ARHGAP25: variants seen among roughly 807,000 people sequenced by gnomAD.
ARHGAP25 encodes Rho GTPase activating protein 25.
ARHGAP25 carries 34 observed loss-of-function variants against 71.0 expected under a neutral mutation model. The ratio of observed to expected loss-of-function variants is 0.48; its 90% CI spans 0.36 to 0.64. The LOEUF is 0.64. Ranked by LOEUF, ARHGAP25 falls within the 30% of genes least tolerant of loss-of-function variation. The pLI, the probability that ARHGAP25 is intolerant of heterozygous loss-of-function variation, is 0.00. For synonymous variants in ARHGAP25, 282 were observed against 296.5 expected (o/e 0.95, Z 0.50); for missense variants, 706 against 805.1 (o/e 0.88, Z 1.49).
At chr2:68,818,083 C>G in intron 8 of ARHGAP25, 89 bp downstream of exon 8, 1 of 1,530,886 alleles carries the variant, frequency 6.5e-7, no homozygotes, top group African/African-American at 1.4e-5. Context: ...CTGTAGTTTC[C>G]CAAGCATTTT....
intron 6 of ARHGAP25, 69 bp from the exon 7 acceptor site, chr2:68,816,220 G>A (rs1307731289): frequency 2.3e-6 from 3 of 1,294,964 alleles, no homozygotes; most frequent in Admixed American, 1.7e-5. Flanking sequence ...CTGTCCCAGG[G>A]TCTCCTTGCT....
chr2:68,734,938 G>A lies in ARHGAP25; in HGVS notation c.-262G>A. ...TAAAACTGAAAGCAAGAAAAGCAGG[G>A]TGCTAGCCCCTGTGGGACTGAGGGT... is the stretch of plus-strand genomic sequence containing the variant. On this transcript the variant is annotated 5_prime_UTR_variant, in exon 1 of 11. It adds an upstream start codon to the 5' untranslated region. Transcript: ENST00000409202. The A allele has an allele frequency of 1.8e-6, 1 of 558,966 alleles. No individual in the cohort carries two copies. The highest frequency in any genetic ancestry group is 3.0e-5 in the East Asian group (1 of 33,244). 34.6% of individuals were successfully genotyped at this position (558,966 alleles called of 1,614,324 possible). A position where few individuals can be genotyped will look rare whatever the true frequency, so the allele number is the denominator to read the frequency against.
At chr2:68,724,189 G>A (rs1268751999) in intron 2 of ARHGAP25, among the ~76,000 whole-genome samples, 1 of 152,086 alleles carries the variant, frequency 6.6e-6, no homozygotes, top group African/African-American at 2.4e-5. Context: ...GCCTGGAAGA[G>A]TGGCTTCTTT....
chr2:68,778,960 C>G lies in ARHGAP25; in HGVS notation c.262-3273C>G, dbSNP rs538507133. 2.8e-4 allele frequency among the ~76,000 whole-genome samples: 42 copies of G among 152,298 alleles called. 1 individual carries two copies. The South Asian group carries it at 8.7e-3, about 32-fold the overall frequency. On this transcript the variant is annotated intron_variant, in intron 2 of 10. Coordinates refer to ENST00000409202, the MANE Select transcript of ARHGAP25 (RefSeq NM_001007231.3). Reference sequence around the variant, plus strand: ...GTTTAAGGCTGTGTAAGTCCATGAACTAGCTTTATATAAACCATTCTAGAG... The same window carrying G: ...GTTTAAGGCTGTGTAAGTCCATGAAGTAGCTTTATATAAACCATTCTAGAG...
intron 2 of ARHGAP25, among the ~76,000 whole-genome samples, chr2:68,781,428 T>C (rs925987134): frequency 2.3e-4 from 35 of 152,206 alleles, no homozygotes; most frequent in African/African-American, 8.2e-4. Flanking sequence ...TGAAATGCAC[T>C]GTAAGTGATA....
At chr2:68,729,974 T>C (rs1674976987), upstream of ARHGAP25, among the ~76,000 whole-genome samples, 1 of 152,262 alleles carries the variant, frequency 6.6e-6, no homozygotes, top group South Asian at 2.1e-4. Flanking sequence ...ATATCTCCAA[T>C]GCTCAATGAC....
chr2:68,802,992 T>TATAC (rs911947001), intron 4 of ARHGAP25, among the ~76,000 whole-genome samples: 3 of 150,442 alleles, frequency 2.0e-5, no homozygotes, highest in Non-Finnish European at 4.4e-5. Flanking sequence ...TATACACACA[T>TATAC]ATACATACAT....
chr2:68,746,954 G>A (rs1175556969), intron 1 of ARHGAP25, among the ~76,000 whole-genome samples: 2 of 146,478 alleles, frequency 1.4e-5, no homozygotes, highest in African/African-American at 5.1e-5. Flanking sequence ...GTTGTGGTGA[G>A]CCGAGATTGG....
chr2:68,765,347 A>G (rs1453413619), intron 1 of ARHGAP25, among the ~76,000 whole-genome samples: 1 of 136,790 alleles, frequency 7.3e-6, no homozygotes, highest in African/African-American at 2.7e-5. Context: ...AGTTTAGAGC[A>G]ATAGTTGACA....
intron 1 of ARHGAP25, among the ~76,000 whole-genome samples, chr2:68,771,567 T>G (rs1415451126): frequency 6.6e-6 from 1 of 152,348 alleles, no homozygotes; most frequent in African/African-American, 2.4e-5. Flanking sequence ...TCTTCTCTGC[T>G]ATTTTAATGA....
At chr2:68,773,866 CTAAGTGG>C (rs1190702420) in intron 1 of ARHGAP25, among the ~76,000 whole-genome samples, 1 of 152,128 alleles carries the variant, frequency 6.6e-6, no homozygotes, top group Non-Finnish European at 1.5e-5. Context: ...AGGGACTGTG[CTAAGTGG>C]TTTGCGTATG....
Position 68,799,340 on chromosome 2 carries a change from G to A in ARHGAP25, c.467-7933G>A, listed in dbSNP as rs188082835. On this transcript the variant is annotated intron_variant, in intron 4 of 10. Transcript: ENST00000409202. ...AGCCTGTTTGCCATCTCCTGGGTATGTCTGATAGGGTTGCTGCACTATTTA... is the reference window on the plus strand; with the variant it reads ...AGCCTGTTTGCCATCTCCTGGGTATATCTGATAGGGTTGCTGCACTATTTA... 3.9e-5 allele frequency among the ~76,000 whole-genome samples: 6 copies of A among 152,274 alleles called. 1 individual carries two copies. Among genetic ancestry groups the A allele is most frequent in the Admixed American group, 1.3e-4 (2 of 15,306 alleles).
intron 6 of ARHGAP25, chr2:68,816,049 G>C: frequency 3.7e-6 from 2 of 534,710 alleles, no homozygotes; most frequent in Non-Finnish European, 3.4e-6. Flanking sequence ...GGGTGCAGTG[G>C]CATAATTACA....
At chr2:68,771,062 G>A (rs1677455782) in intron 1 of ARHGAP25, among the ~76,000 whole-genome samples, 1 of 152,130 alleles carries the variant, frequency 6.6e-6, no homozygotes. Context: ...TATGACGGAG[G>A]AACTCAATTG....
intron 3 of ARHGAP25, among the ~76,000 whole-genome samples, chr2:68,786,968 C>G (rs1462675184): frequency 6.6e-6 from 1 of 152,208 alleles, no homozygotes; most frequent in Admixed American, 6.5e-5. Flanking sequence ...AAAATACCAA[C>G]TTTGAGGATT....
At chr2:68,724,377 C>T (rs1403878391) in intron 2 of ARHGAP25, among the ~76,000 whole-genome samples, 1 of 152,150 alleles carries the variant, frequency 6.6e-6, no homozygotes, top group African/African-American at 2.4e-5. Flanking sequence ...TTTATTTATC[C>T]TGAGCAAAAC....
upstream of ARHGAP25, among the ~76,000 whole-genome samples, chr2:68,733,334 T>C (rs1487915445): frequency 6.6e-6 from 1 of 152,128 alleles, no homozygotes; most frequent in Non-Finnish European, 1.5e-5. Context: ...TGAGAATATA[T>C]TTTGTGGAGT....
rs1681949929 is a variant in ARHGAP25, at chr2:68,824,482, C to T, written c.1734-1505C>T. ...GAATGGCCGGGCGTGGTGGCTCACG[C>T]TTGTAATCCCAGCACTTTGGGAGGC... On this transcript the variant is annotated intron_variant, in intron 10 of 10. Coordinates refer to ENST00000409202, the MANE Select transcript of ARHGAP25 (RefSeq NM_001007231.3). 2.0e-5 allele frequency among the ~76,000 whole-genome samples: 3 copies of T among 152,222 alleles called. No individual in the cohort carries two copies. The South Asian group carries it at 6.2e-4, about 31-fold the overall frequency.
intron 1 of ARHGAP25, among the ~76,000 whole-genome samples, chr2:68,758,976 G>A (rs1013595124): frequency 1.3e-5 from 2 of 151,724 alleles, no homozygotes; most frequent in Non-Finnish European, 3.0e-5. Flanking sequence ...TGAAAATTGT[G>A]GAAATTAAAC....
Sources: allele counts gnomAD v4.1 joint callset (sites outside exome capture counted in the v4.1 genomes callset), GRCh38; gene constraint gnomAD v4.1.1; transcripts MANE v1.5; gene names NCBI Gene and HGNC (gene_info 2026-07-23, HGNC 2026-07-21).